The following CDH1 variants were observed in gnomAD, a reference collection of about 807,000 sequenced individuals.
The protein encoded by CDH1 is cadherin-1.
A neutral mutation model predicts 84.5 loss-of-function variants in CDH1; 35 were observed. The observed-to-expected ratio is 0.41, with a 90% CI of 0.32 to 0.55. The LOEUF (loss-of-function observed/expected upper bound fraction) is 0.55. CDH1 is among the 20% of genes least tolerant of loss of function. CDH1 has a pLI of 0.19. For missense variants in CDH1, 994 were observed against 1,126.6 expected (o/e 0.88, Z 1.68); for synonymous variants, 417 against 439.0 (o/e 0.95, Z 0.63).
chr16:68,745,545 A>ATATATATATATATATATGTAT lies in CDH1; in HGVS notation c.163+7134_163+7135insTATATATATATATATATGTAT, dbSNP rs1399448265. ...AGAGATCCTGTCTCAAAAAAAAAAAAAAAAATATATATATATATGTATATA... is the reference window on the plus strand; with the variant it reads ...AGAGATCCTGTCTCAAAAAAAAAAAATATATATATATATATATGTATAAAAATATATATATATATGTATATA... On this transcript the variant is annotated intron_variant, in intron 2 of 15. Coordinates refer to ENST00000261769, the MANE Select transcript of CDH1 (RefSeq NM_004360.5). 3.5e-3 allele frequency among the ~76,000 whole-genome samples: 68 copies of ATATATATATATATATATGTAT among 19,456 alleles called. 1 individual carries two copies. Among genetic ancestry groups the ATATATATATATATATATGTAT allele is most frequent in the Middle Eastern group, 0.029 (1 of 34 alleles). The allele number at this position is 19,456 out of a possible 152,430, so 12.8% of individuals were successfully genotyped here.
chr16:68,770,159 T>C (rs1959520765), intron 2 of CDH1, among the ~76,000 whole-genome samples: 1 of 152,068 alleles, frequency 6.6e-6, no homozygotes, highest in African/African-American at 2.4e-5. Flanking sequence ...TTGGAAGGGC[T>C]TTTGGGGCCA....
chr16:68,826,070 T>C (rs914254985), intron 13 of CDH1, among the ~76,000 whole-genome samples: 1 of 152,172 alleles, frequency 6.6e-6, no homozygotes, highest in African/African-American at 2.4e-5. Context: ...TCCTCCCACC[T>C]TGGCCTTCCA....
intron 2 of CDH1, among the ~76,000 whole-genome samples, chr16:68,755,612 A>C (rs1250617623): frequency 6.6e-6 from 1 of 151,726 alleles, no homozygotes; most frequent in Non-Finnish European, 1.5e-5. Context: ...TTTTTTATTT[A>C]TTTATCTTTC....
chr16:68,779,608 C>T (rs1020022544), intron 2 of CDH1, among the ~76,000 whole-genome samples: 1 of 152,326 alleles, frequency 6.6e-6, no homozygotes, highest in East Asian at 1.9e-4. Context: ...GTAATCCCAG[C>T]ACTTTGGGAG....
At chr16:68,756,130 ATATT>A (rs1963011915) in intron 2 of CDH1, among the ~76,000 whole-genome samples, 1 of 144,090 alleles carries the variant, frequency 6.9e-6, no homozygotes, top group African/African-American at 2.8e-5. Flanking sequence ...CATTTAGGGC[ATATT>A]TTTTTTTTTT....
At chr16:68,758,207 CTTTTTTT>C (rs57413297) in intron 2 of CDH1, among the ~76,000 whole-genome samples, 652 of 39,934 alleles carry the variant, frequency 0.016, 2 homozygotes, top group Middle Eastern at 0.025. Context: ...CTTTTTATTT[CTTTTTTT>C]TTTTTTTTTT....
At chr16:68,792,783 G>C (rs899515960) in intron 2 of CDH1, among the ~76,000 whole-genome samples, 1 of 152,164 alleles carries the variant, frequency 6.6e-6, no homozygotes, top group African/African-American at 2.4e-5. Flanking sequence ...AGGGTAAAGG[G>C]TCCTGGGCTA....
At chr16:68,796,270 A>G (rs1960359308) in intron 2 of CDH1, among the ~76,000 whole-genome samples, 1 of 152,182 alleles carries the variant, frequency 6.6e-6, no homozygotes, top group Non-Finnish European at 1.5e-5. Flanking sequence ...CTTTGTATGC[A>G]GGGTGGGCAA....
intron 13 of CDH1, 23 bp from the exon 14 acceptor site, chr16:68,828,151 C>T (rs1408871218): frequency 1.2e-6 from 2 of 1,613,216 alleles, no homozygotes; most frequent in Admixed American, 3.3e-5. Context: ...TCAACACTTG[C>T]TCTGTCTCCC....
At chr16:68,817,819 G>C (rs1961020989) in intron 10 of CDH1, among the ~76,000 whole-genome samples, 1 of 152,252 alleles carries the variant, frequency 6.6e-6, no homozygotes, top group East Asian at 1.9e-4. Flanking sequence ...CCAACGAAAG[G>C]CCATATTGGA....
intron 2 of CDH1, among the ~76,000 whole-genome samples, chr16:68,775,070 G>A (rs946552665): frequency 6.7e-6 from 1 of 150,286 alleles, no homozygotes; most frequent in African/African-American, 2.5e-5. Flanking sequence ...AGGGTGCAAT[G>A]AGCTATGATT....
Position 68,810,182 on chromosome 16 carries a change from A to C in CDH1, c.688-15A>C, listed in dbSNP as rs1555515410. 6.2e-7 allele frequency: 1 copy of C among 1,613,986 alleles called. No individual in the cohort carries two copies. ...CCTCATCAGAGCTCAAGTCACCCTC[A>C]CTTGGTTCTTTCAGCTCTTCTCTCA... On this transcript the variant is annotated splice_polypyrimidine_tract_variant and intron_variant, in intron 5 of 15. Coordinates refer to ENST00000261769, the MANE Select transcript of CDH1 (RefSeq NM_004360.5).
At chr16:68,785,959 T>C (rs1960034566) in intron 2 of CDH1, among the ~76,000 whole-genome samples, 1 of 152,140 alleles carries the variant, frequency 6.6e-6, no homozygotes, top group Admixed American at 6.5e-5. Context: ...CCATGGAGCA[T>C]TTCTGCAAGA....
intron 10 of CDH1, 152 bp downstream of exon 10, chr16:68,815,911 C>T (rs1960976312): frequency 3.1e-6 from 3 of 959,728 alleles, no homozygotes; most frequent in Non-Finnish European, 4.7e-6. Context: ...TATCTGTGCT[C>T]CTTTCACCTG....
intron 2 of CDH1, among the ~76,000 whole-genome samples, chr16:68,790,339 G>T (rs1432679384): frequency 6.6e-6 from 1 of 152,066 alleles, no homozygotes; most frequent in African/African-American, 2.4e-5. Context: ...CCAACAGAAA[G>T]AAAAAGGAGG....
At chr16:68,740,911 C>G (rs915543087) in intron 2 of CDH1, among the ~76,000 whole-genome samples, 48 of 152,120 alleles carry the variant, frequency 3.2e-4, no homozygotes, top group African/African-American at 1.1e-3. Context: ...TTTTCTCTTC[C>G]TTTTTCTCCT....
chr16:68,829,057 C>G (rs985840543), intron 14 of CDH1, among the ~76,000 whole-genome samples: 1 of 152,180 alleles, frequency 6.6e-6, no homozygotes, highest in Admixed American at 6.5e-5. Flanking sequence ...CAGCGGCACA[C>G]AACATGCGTA....
intron 2 of CDH1, among the ~76,000 whole-genome samples, chr16:68,749,832 A>G (rs982386542): frequency 2.6e-5 from 4 of 152,122 alleles, no homozygotes; most frequent in Admixed American, 6.6e-5. Context: ...GTGGGACCTG[A>G]TTCACCTTTC....
Position 68,815,536 on chromosome 16 carries a change from C to G in CDH1, c.1342C>G (p.Gln448Glu), listed in dbSNP as rs1421067964. Reference protein sequence around the residue: ...TAKGLDFEAKQQYILHVAVTN... With the variant: ...TAKGLDFEAKEQYILHVAVTN... ...CTAGGGCTTGGATTTTGAGGCCAAG[C>G]AGCAGTACATTCTACACGTAGCAGT... Residue 448 changes from glutamine (Q) to glutamate (E), a missense_variant, in exon 10 of 16, where the codon CAG (glutamine) becomes GAG (glutamate). Transcript: ENST00000261769. The G allele has an allele frequency of 2.5e-6, 4 of 1,614,102 alleles. No individual in the cohort carries two copies. In the African/African-American group the frequency reaches 4.0e-5, roughly 16 times the overall value.
Sources: gnomAD v4.1 joint callset for allele counts (sites outside exome capture counted in the v4.1 genomes callset) on GRCh38, gnomAD v4.1.1 for gene constraint, MANE v1.5 for transcripts, NCBI Gene and HGNC (gene_info 2026-07-23, HGNC 2026-07-21) for gene names.